Variants in PRKN observed in about 807,000 individuals in gnomAD.
The protein encoded by PRKN is parkin RBR E3 ubiquitin protein ligase, also known as E3 ubiquitin-protein ligase parkin.
In PRKN, 56 loss-of-function variants were observed where a neutral mutation model predicts 59.5. That is an observed-to-expected ratio of 0.94 (90% CI 0.76 to 1.18). PRKN has a LOEUF of 1.18. Among genes scored for constraint, PRKN ranks in the 50% most tolerant of loss-of-function variants. PRKN has a pLI of 0.00. For synonymous variants in PRKN, 250 were observed against 222.1 expected, an observed-to-expected ratio of 1.13 and a Z score of -1.12; for missense variants, 657 against 596.4, an observed-to-expected ratio of 1.10 and a Z score of -1.06.
At position 161,363,704 on chromosome 6, in the gene PRKN, T is replaced by A. The variant is rs79847831; in HGVS notation, c.1168-3499A>T. Among the ~76,000 whole-genome samples, 9,462 of 152,276 alleles carry A rather than the reference T, an allele frequency of 0.062. 401 individuals are homozygous for A. The highest frequency in any genetic ancestry group is 0.2 in the South Asian group (949 of 4,822). ...TTATTCCCCCCAGCTGATTTCTTAA[T>A]GCATGGGTGCTGGCAGACAGTGATG... On this transcript the variant is annotated intron_variant, in intron 10 of 11. Coordinates refer to ENST00000366898, the MANE Select transcript of PRKN (RefSeq NM_004562.3). The surrounding 1 kb of genome is among the most constrained non-coding windows in gnomAD (Gnocchi z 4.1).
intron 4 of PRKN, among the ~76,000 whole-genome samples, chr6:162,090,060 G>T (rs2128295884): frequency 1.3e-5 from 2 of 152,212 alleles, no homozygotes; most frequent in African/African-American, 4.8e-5. Flanking sequence ...TCAATCAACT[G>T]TTATTTTTTT....
chr6:161,728,851 T>C (rs1250184666), intron 7 of PRKN, among the ~76,000 whole-genome samples: 1 of 152,198 alleles, frequency 6.6e-6, no homozygotes, highest in Non-Finnish European at 1.5e-5. Context: ...AGCAGGAACA[T>C]ATTTTGTATT....
chr6:162,681,489 C>T (rs951441729), intron 1 of PRKN, among the ~76,000 whole-genome samples: 3 of 152,086 alleles, frequency 2.0e-5, no homozygotes, highest in Admixed American at 6.6e-5. Flanking sequence ...GAGACTACTC[C>T]CTTTGCAAAC....
chr6:161,904,309 G>GTTTTT (rs1025317025), intron 6 of PRKN, among the ~76,000 whole-genome samples: 20 of 72,570 alleles, frequency 2.8e-4, no homozygotes, highest in African/African-American at 9.2e-4. Context: ...AATTTGTGGG[G>GTTTTT]TTTTTTTTTT....
chr6:161,887,445 T>A (rs9365337), intron 6 of PRKN, among the ~76,000 whole-genome samples: 77,330 of 152,014 alleles, frequency 0.51, 20,363 homozygotes, highest in East Asian at 0.65. Flanking sequence ...GGACTATAAA[T>A]CCTATTTGTA....
chr6:161,523,523 T>C (rs1778913067), intron 9 of PRKN, among the ~76,000 whole-genome samples: 1 of 152,248 alleles, frequency 6.6e-6, no homozygotes, highest in African/African-American at 2.4e-5. Flanking sequence ...TTTCATGGTG[T>C]CATTTTGCAT....
chr6:162,569,899 C>CT (rs1315339445), intron 1 of PRKN, among the ~76,000 whole-genome samples: 1 of 152,194 alleles, frequency 6.6e-6, no homozygotes, highest in African/African-American at 2.4e-5. Flanking sequence ...TTGCCCATGC[C>CT]TTCAGCTACA....
chr6:162,160,886 G>T (rs1190743813), intron 4 of PRKN, among the ~76,000 whole-genome samples: 66 of 71,194 alleles, frequency 9.3e-4, no homozygotes, highest in Admixed American at 3.0e-3. Flanking sequence ...GAGAGACTCC[G>T]TCTCAAAAAA....
At chr6:162,601,137 A>T (rs1781691751) in intron 1 of PRKN, among the ~76,000 whole-genome samples, 1 of 152,132 alleles carries the variant, frequency 6.6e-6, no homozygotes, top group South Asian at 2.1e-4. Flanking sequence ...TAAGATGGTG[A>T]AGGGCACACA....
At chr6:162,380,049 A>G (rs1786342973) in intron 2 of PRKN, among the ~76,000 whole-genome samples, 1 of 152,118 alleles carries the variant, frequency 6.6e-6, no homozygotes, top group South Asian at 2.1e-4. Context: ...AGGGTATAAG[A>G]CACCCACTAG....
chr6:162,488,073 C>T (rs1583657667), intron 1 of PRKN, among the ~76,000 whole-genome samples: 1 of 136,098 alleles, frequency 7.3e-6, no homozygotes, highest in Admixed American at 8.1e-5. Context: ...TAAACACTCA[C>T]TAATATTTAG....
At chr6:161,917,490 T>A (rs1401600502) in intron 6 of PRKN, among the ~76,000 whole-genome samples, 3 of 152,194 alleles carry the variant, frequency 2.0e-5, no homozygotes, top group African/African-American at 7.2e-5. Context: ...TAAAAGCAAT[T>A]TTGGCATTAA....
Position 161,386,723 on chromosome 6 carries a change from TC to T in PRKN, c.1167+70del. ...TTTTAGAATGGAACTCTCCATGACC[TC>T]CAGGAAACGGCTCCAGTCCCCCACT... On this transcript the variant is annotated intron_variant, in intron 10 of 11. Coordinates refer to ENST00000366898, the MANE Select transcript of PRKN (RefSeq NM_004562.3). The surrounding 1 kb of genome is among the most constrained non-coding windows in gnomAD (Gnocchi z 4.3). 1 of 1,196,528 alleles carries T rather than the reference TC, an allele frequency of 8.4e-7. No homozygotes were observed. Among genetic ancestry groups the T allele is most frequent in the Non-Finnish European group, 1.3e-6 (1 of 798,814 alleles). 74.1% of individuals were successfully genotyped at this position (1,196,528 alleles called of 1,614,324 possible). A position where few individuals can be genotyped will look rare whatever the true frequency, so the allele number is the denominator to read the frequency against.
intron 7 of PRKN, among the ~76,000 whole-genome samples, chr6:161,590,606 G>A (rs559392578): frequency 3.9e-5 from 6 of 152,140 alleles, no homozygotes; most frequent in South Asian, 2.1e-4. Context: ...GGTGGCACAC[G>A]CCTGTAATCC....
In PRKN at chr6:161,352,276, A is replaced by G. The variant is rs1197890481; in HGVS notation, c.1286-2065T>C. 1.3e-5 allele frequency among the ~76,000 whole-genome samples: 2 copies of G among 152,216 alleles called. No individual in the cohort carries two copies. The highest frequency in any genetic ancestry group is 1.3e-4 in the Admixed American group (2 of 15,274). On this transcript the variant is annotated intron_variant, in intron 11 of 11. Coordinates refer to ENST00000366898, the MANE Select transcript of PRKN (RefSeq NM_004562.3). The surrounding 1 kb of genome is among the most constrained non-coding windows in gnomAD (Gnocchi z 5.8). ...ACTAATTTAAAATATTTATGAATAT[A>G]TAGGAATAGGCATTTGTTTTAAGAT...
intron 2 of PRKN, among the ~76,000 whole-genome samples, chr6:162,442,416 GTTTCGTC>G (rs1441351344): frequency 6.6e-6 from 1 of 152,120 alleles, no homozygotes; most frequent in African/African-American, 2.4e-5. Flanking sequence ...CCCAGAAAGC[GTTTCGTC>G]TTTCTTGCAT....
At position 161,735,923 on chromosome 6, in the gene PRKN, CA is replaced by C. The variant is rs950382208; in HGVS notation, c.871+49848del. The stretch of plus-strand genomic sequence containing the variant: ...GAGCGAGACTCTGTCTCAGAAAAAA[CA>C]AAAAAAAAAGTGAGACTATAAAAAT... On this transcript the variant is annotated intron_variant, in intron 7 of 11. Transcript: ENST00000366898. 8.9e-5 allele frequency among the ~76,000 whole-genome samples: 13 copies of C among 146,262 alleles called. No homozygotes were observed. The East Asian group carries it at 1.4e-3, about 16-fold the overall frequency.
chr6:161,903,463 T>C (rs1273876588), intron 6 of PRKN, among the ~76,000 whole-genome samples: 1 of 152,042 alleles, frequency 6.6e-6, no homozygotes, highest in Non-Finnish European at 1.5e-5. Context: ...GAAAAGAGGG[T>C]GGGACCTTCG....
chr6:162,128,746 C>T (rs918003749), intron 4 of PRKN, among the ~76,000 whole-genome samples: 12 of 152,118 alleles, frequency 7.9e-5, no homozygotes, highest in Non-Finnish European at 1.6e-4. Context: ...AGGGCAGAGC[C>T]CTCATGGATG....
Sources: allele counts gnomAD v4.1 joint callset (sites outside exome capture counted in the v4.1 genomes callset), GRCh38; gene constraint gnomAD v4.1.1; non-coding constraint Gnocchi (gnomAD v3.1); transcripts MANE v1.5; gene names NCBI Gene and HGNC (gene_info 2026-07-23, HGNC 2026-07-21).